MSN: variants seen among roughly 807,000 people sequenced by gnomAD.
The protein encoded by MSN is moesin.
In MSN, 2 loss-of-function variants were observed where a neutral mutation model predicts 48.0. The ratio of observed to expected loss-of-function variants is 0.04; its 90% CI spans 0.02 to 0.13. The LOEUF (loss-of-function observed/expected upper bound fraction) is 0.13, where lower values mean the gene tolerates loss of function less well. Ranked by LOEUF, MSN falls within the 10% of genes least tolerant of loss-of-function variation. The pLI is 1.00. For synonymous variants in MSN, 146 were observed against 166.9 expected (o/e 0.87, Z 0.97); for missense variants, 267 against 470.1 (o/e 0.57, Z 3.99).
intron 1 of MSN, among the ~76,000 whole-genome samples, chrX:65,617,021 A>G (rs12011727): frequency 0.13 from 13,779 of 106,842 alleles, 2,900 homozygotes; most frequent in African/African-American, 0.48. Context: ...ATTGATTTGC[A>G]TATATTGAAC....
At chrX:65,673,251 C>T (rs182153766) in intron 1 of MSN, among the ~76,000 whole-genome samples, 105 of 111,561 alleles carry the variant, frequency 9.4e-4, no homozygotes, top group African/African-American at 2.9e-3. Flanking sequence ...TTTCAGTGAC[C>T]GCCTGCCTGA....
intron 4 of MSN, among the ~76,000 whole-genome samples, chrX:65,730,220 C>T (rs2071609552): frequency 8.9e-6 from 1 of 112,117 alleles, no homozygotes; most frequent in South Asian, 3.7e-4. Flanking sequence ...ATCACAATAA[C>T]ACACAAAATG....
At chrX:65,656,767 A>G (rs1171863920) in intron 1 of MSN, among the ~76,000 whole-genome samples, 4 of 111,181 alleles carry the variant, frequency 3.6e-5, no homozygotes, top group Non-Finnish European at 7.6e-5. Flanking sequence ...GGCTTTGTGC[A>G]GGAGGTAGGG....
chrX:65,711,522 A>ATTAG (rs1328225086), intron 1 of MSN, among the ~76,000 whole-genome samples: 1 of 112,521 alleles, frequency 8.9e-6, no homozygotes, highest in East Asian at 2.8e-4. Flanking sequence ...TTATATCACA[A>ATTAG]TTAGTTATTG....
intron 1 of MSN, among the ~76,000 whole-genome samples, chrX:65,626,637 C>A (rs1470063002): frequency 9.0e-6 from 1 of 110,818 alleles, no homozygotes; most frequent in East Asian, 2.8e-4. Context: ...CAATAAACAA[C>A]AACAACAACA....
chrX:65,606,935 T>C (rs901930374), intron 1 of MSN, among the ~76,000 whole-genome samples: 2 of 112,724 alleles, frequency 1.8e-5, no homozygotes, highest in African/African-American at 6.4e-5. Flanking sequence ...CTTGCCTTCA[T>C]GGAGCTTATA....
At chrX:65,622,791 G>A (rs2070464053) in intron 1 of MSN, among the ~76,000 whole-genome samples, 1 of 111,447 alleles carries the variant, frequency 9.0e-6, no homozygotes, top group African/African-American at 3.3e-5. Flanking sequence ...GATTATAGGT[G>A]TGAGCCACTG....
At chrX:65,600,123 T>C (rs2070222146) in intron 1 of MSN, among the ~76,000 whole-genome samples, 1 of 110,773 alleles carries the variant, frequency 9.0e-6, no homozygotes, top group African/African-American at 3.3e-5. Flanking sequence ...ATTTGGACCA[T>C]TGTTGGGGGA....
In MSN at chrX:65,716,587, C is replaced by T. The variant is rs181045548; in HGVS notation, c.13-231C>T. 503 of 438,578 alleles carry T rather than the reference C, an allele frequency of 1.1e-3. 1 individual carries two copies. Among genetic ancestry groups the T allele is most frequent in the Non-Finnish European group, 1.2e-3 (293 of 240,365 alleles). 36.1% of individuals were successfully genotyped at this position (438,578 alleles called of 1,213,427 possible). A position where few individuals can be genotyped will look rare whatever the true frequency, so the allele number is the denominator to read the frequency against. The stretch of plus-strand genomic sequence containing the variant: ...CATTGCACCCGGCCTTCATGCTTGT[C>T]TGTTCTTTGGTAAGTATTGCTCTGT... On this transcript the variant is annotated intron_variant, in intron 1 of 12. Coordinates refer to ENST00000360270, the MANE Select transcript of MSN (RefSeq NM_002444.3).
chrX:65,605,436 T>C (rs1490585240), intron 1 of MSN, among the ~76,000 whole-genome samples: 1 of 112,493 alleles, frequency 8.9e-6, no homozygotes, highest in Non-Finnish European at 1.9e-5. Context: ...CCCTATCATC[T>C]GTCAACTGGA....
intron 1 of MSN, among the ~76,000 whole-genome samples, chrX:65,631,396 CT>C (rs1404483410): frequency 9.1e-6 from 1 of 109,807 alleles, no homozygotes; most frequent in Non-Finnish European, 1.9e-5. Flanking sequence ...GCCCAGCCCC[CT>C]ACATCCTTCT....
intron 1 of MSN, among the ~76,000 whole-genome samples, chrX:65,670,326 C>G (rs748686142): frequency 1.3e-4 from 14 of 111,906 alleles, no homozygotes; most frequent in Non-Finnish European, 2.1e-4. Context: ...AGTGGAAAAT[C>G]AAACTCGTTC....
In MSN at chrX:65,738,547, C is replaced by T; in HGVS notation, c.1274C>T (p.Thr425Ile). ...TAGGCCTTGGAAATGGCAGAGCTGA[C>T]AGCTCGAATCTCCCAGCTGGAGATG... ...EQLALEMAEL[T>I]ARISQLEMAR... The change falls in exon 11 of 13, where the codon ACA (threonine) becomes ATA (isoleucine). Residue 425 changes from threonine (T) to isoleucine (I), a missense_variant. Physicochemically the swap from Thr to Ile is moderately conservative, Grantham distance 89. Around this residue, in one of 5 missense-constraint regions of MSN, gnomAD observed 70 missense variants for 76.3 expected, o/e 0.92. Coordinates refer to ENST00000360270, the MANE Select transcript of MSN (RefSeq NM_002444.3). The T allele has an allele frequency of 1.7e-6, 2 of 1,208,032 alleles. No individual in the cohort carries two copies. Among genetic ancestry groups the T allele is most frequent in the Non-Finnish European group, 1.1e-6 (1 of 893,615 alleles).
In MSN at chrX:65,727,887, C is replaced by T. The variant is rs182868005; in HGVS notation, c.170C>T (p.Thr57Ile). The T allele has an allele frequency of 2.5e-6, 3 of 1,206,026 alleles. No individual in the cohort carries two copies. The Admixed American group carries it at 6.6e-5, about 26-fold the overall frequency. Residue 57 changes from threonine to isoleucine, a missense_variant, in exon 3 of 13, where the codon ACC becomes ATC. Around this residue, in one of 5 missense-constraint regions of MSN, gnomAD observed 89 missense variants for 151.0 expected, o/e 0.59. Coordinates refer to ENST00000360270, the MANE Select transcript of MSN (RefSeq NM_002444.3). ...TACCAGGACACTAAAGGTTTCTCCACCTGGCTGAAACTCAATAAGAAGGTA... is the reference window on the plus strand; with the variant it reads ...TACCAGGACACTAAAGGTTTCTCCATCTGGCTGAAACTCAATAAGAAGGTA... Reference protein sequence around the residue: ...LQYQDTKGFSTWLKLNKKVTA... With the variant: ...LQYQDTKGFSIWLKLNKKVTA...
chrX:65,648,390 T>C (rs1345023722), intron 1 of MSN, among the ~76,000 whole-genome samples: 1 of 109,561 alleles, frequency 9.1e-6, no homozygotes, highest in Non-Finnish European at 1.9e-5. Context: ...CCTTCTCTAC[T>C]AAAAATACAA....
chrX:65,714,057 G>C (rs1397325357), intron 1 of MSN, among the ~76,000 whole-genome samples: 1 of 111,655 alleles, frequency 9.0e-6, no homozygotes, highest in Non-Finnish European at 1.9e-5. Context: ...TGGGATTACA[G>C]GTGTGAGCTA....
intron 1 of MSN, among the ~76,000 whole-genome samples, chrX:65,669,124 C>T (rs1602771968): frequency 8.9e-6 from 1 of 111,794 alleles, no homozygotes; most frequent in African/African-American, 3.3e-5. Context: ...AAAGTATGTG[C>T]TTTCACTGTC....
At chrX:65,651,697 C>G (rs1030744102) in intron 1 of MSN, among the ~76,000 whole-genome samples, 8 of 107,378 alleles carry the variant, frequency 7.5e-5, no homozygotes, top group Non-Finnish European at 1.3e-4. Flanking sequence ...AAGCGATTCT[C>G]CTGCTTCAGC....
chrX:65,654,909 G>T (rs1284120006), intron 1 of MSN, among the ~76,000 whole-genome samples: 1 of 111,204 alleles, frequency 9.0e-6, no homozygotes, highest in African/African-American at 3.3e-5. Context: ...GTTTTTATTG[G>T]CCCTGCTGAG....
Sources: allele counts gnomAD v4.1 joint callset (sites outside exome capture counted in the v4.1 genomes callset), GRCh38; gene constraint gnomAD v4.1.1; regional missense constraint gnomAD v4.1.1; transcripts MANE v1.5; gene names NCBI Gene and HGNC (gene_info 2026-07-23, HGNC 2026-07-21).